Variants in NR1H3 observed in about 807,000 individuals in gnomAD.
The protein encoded by NR1H3 is nuclear receptor subfamily 1 group H member 3, also known as oxysterols receptor LXR-alpha.
In NR1H3, 19 loss-of-function variants were observed where a neutral mutation model predicts 48.1. The observed-to-expected ratio is 0.40, with a 90% CI of 0.28 to 0.58. The LOEUF (loss-of-function observed/expected upper bound fraction) is 0.58, where lower values mean the gene tolerates loss of function less well. Among genes scored for constraint, NR1H3 ranks in the 20% least tolerant of loss-of-function variants. NR1H3 has a pLI of 0.50. For missense variants in NR1H3, 486 were observed against 595.9 expected (o/e 0.82, Z 1.92); for synonymous variants, 232 against 227.3 (o/e 1.02, Z -0.19).
rs1408873095 is a variant in NR1H3 at position 47,262,107 on chromosome 11, C to T, written c.988+89C>T. 1.9e-5 allele frequency: 19 copies of T among 980,540 alleles called. No individual in the cohort carries two copies. In the East Asian group the frequency reaches 2.3e-4, roughly 12 times the overall value. The allele number at this position is 980,540 out of a possible 1,614,324, so 60.7% of individuals were successfully genotyped here. A position where few individuals can be genotyped will look rare whatever the true frequency, so the allele number is the denominator to read the frequency against. ...ATTTTTAAAAATTGAGGGCCAGGCG[C>T]GGTGGCTCATGCCTGTAATCCCAGC... On this transcript the variant is annotated intron_variant, in intron 7 of 9. Transcript: ENST00000441012.
At chr11:47,257,270 A>G (rs905906227), upstream of NR1H3, among the ~76,000 whole-genome samples, 5 of 152,162 alleles carry the variant, frequency 3.3e-5, no homozygotes, top group African/African-American at 1.2e-4. Flanking sequence ...GTTCCCCAGA[A>G]GAGGCAACCC....
chr11:47,260,566 G>C lies in NR1H3; in HGVS notation c.390G>C (p.Ala130=), dbSNP rs34806350. 585 of 1,614,180 alleles carry C rather than the reference G, an allele frequency of 3.6e-4. 4 individuals carry two copies. The highest frequency in any genetic ancestry group is 2.4e-3 in the Admixed American group (145 of 60,032). ...GFFRRSVIKG[A]HYICHSGGHC... is the part of the protein sequence containing the mutation. Reference sequence around the variant, plus strand: ...TCCGCCGCAGCGTCATCAAGGGAGCGCACTACATCTGCCACAGTGGCGGCC... The same window carrying C: ...TCCGCCGCAGCGTCATCAAGGGAGCCCACTACATCTGCCACAGTGGCGGCC... Residue 130 remains alanine, a synonymous_variant, in exon 4 of 10, where the codon GCG becomes GCC. Coordinates refer to ENST00000441012, the MANE Select transcript of NR1H3 (RefSeq NM_005693.4).
At chr11:47,255,841 G>A (rs1050090308), upstream of NR1H3, among the ~76,000 whole-genome samples, 1 of 150,488 alleles carries the variant, frequency 6.6e-6, no homozygotes, top group Non-Finnish European at 1.5e-5. Flanking sequence ...CTAATTTTTT[G>A]TATTTTTAGT....
At chr11:47,263,356 C>A (rs1048592512) in intron 7 of NR1H3, among the ~76,000 whole-genome samples, 1 of 151,822 alleles carries the variant, frequency 6.6e-6, no homozygotes, top group Non-Finnish European at 1.5e-5. Flanking sequence ...CCTCAACCAC[C>A]TGGGCTCCAG....
At position 47,261,232 on chromosome 11, in the gene NR1H3, T is replaced by C. The variant is rs773353715; in HGVS notation, c.500-9T>C. ...CTGCTCCCTTCCTCATATTTGGCCC[T>C]GTCCTTAGGTGTCCTGTCAGAAGAA... On this transcript the variant is annotated splice_polypyrimidine_tract_variant and intron_variant, in intron 4 of 9. Coordinates refer to ENST00000441012, the MANE Select transcript of NR1H3 (RefSeq NM_005693.4). 1.4e-6 allele frequency: 2 copies of C among 1,397,456 alleles called. No individual in the cohort carries two copies. Among genetic ancestry groups the C allele is most frequent in the Non-Finnish European group, 1.9e-6 (2 of 1,052,032 alleles). 86.6% of individuals were successfully genotyped at this position (1,397,456 alleles called of 1,614,324 possible).
intron 4 of NR1H3, 51 bp from the exon 5 acceptor site, chr11:47,261,190 C>A (rs778882527): frequency 1.7e-6 from 2 of 1,208,712 alleles, no homozygotes; most frequent in South Asian, 2.6e-5. Flanking sequence ...CACCCCCTTG[C>A]CCCATCCTTT....
intron 1 of NR1H3, chr11:47,258,956 A>T: frequency 1.5e-6 from 1 of 676,608 alleles, no homozygotes; most frequent in Non-Finnish European, 2.3e-6. Context: ...TGAGAGGATC[A>T]CTTGAGCCCA....
chr11:47,260,942 G>A (rs908673188), intron 4 of NR1H3, among the ~76,000 whole-genome samples: 10 of 152,018 alleles, frequency 6.6e-5, no homozygotes, highest in African/African-American at 2.2e-4. Flanking sequence ...AAAATTAGCC[G>A]GGTGTGGTGG....
intron 2 of NR1H3, chr11:47,259,517 C>T: frequency 6.6e-7 from 1 of 1,519,596 alleles, no homozygotes; most frequent in Non-Finnish European, 8.8e-7. Flanking sequence ...CCTGCTCTGG[C>T]TTTGAAGAGT....
At position 47,268,415 on chromosome 11, in the gene NR1H3, T is replaced by C. The variant is rs1957388195; in HGVS notation, c.1197+60T>C. The C allele has an allele frequency of 2.5e-6, 4 of 1,590,288 alleles. No homozygotes were observed. In the South Asian group the frequency reaches 4.4e-5, roughly 18 times the overall value. On this transcript the variant is annotated intron_variant, in intron 9 of 9. Coordinates refer to ENST00000441012, the MANE Select transcript of NR1H3 (RefSeq NM_005693.4). ...CCACACACAGGCCCATTCCCTGACATACCTACTTTCCCTTCAAGAATTTCT... is the reference window on the plus strand; with the variant it reads ...CCACACACAGGCCCATTCCCTGACACACCTACTTTCCCTTCAAGAATTTCT...
Position 47,261,914 on chromosome 11 carries a change from T to C in NR1H3, c.889-5T>C, listed in dbSNP as rs765148836. On this transcript the variant is annotated splice_polypyrimidine_tract_variant and splice_region_variant and intron_variant, in intron 6 of 9. Transcript: ENST00000441012. The stretch of plus-strand genomic sequence containing the variant: ...CCCCGTTTGAGGTTTGCTGCTTGTG[T>C]GCAGGTGATGCTTCTGGAGACATCT... 1.1e-5 allele frequency: 17 copies of C among 1,613,396 alleles called. No homozygotes were observed. Among genetic ancestry groups the C allele is most frequent in the African/African-American group, 1.3e-5 (1 of 74,882 alleles).
chr11:47,258,331 G>A, intron 1 of NR1H3: 2 of 365,728 alleles, frequency 5.5e-6, no homozygotes, highest in Non-Finnish European at 7.6e-6. Context: ...TGTGAATTGG[G>A]GAGATTCTTG....
chr11:47,259,449 C>T lies in NR1H3; in HGVS notation c.43+190C>T, dbSNP rs185252499. 3.2e-4 allele frequency: 495 copies of T among 1,552,478 alleles called. 6 individuals carry two copies. The South Asian group carries it at 5.3e-3, about 17-fold the overall frequency. On this transcript the variant is annotated intron_variant, in intron 2 of 9. Transcript: ENST00000441012. ...CCAGTGCCTGGCCCTTGCAGGCACC[C>T]GCCCAGTCCTCCCCAGTCTGGATTT...
At chr11:47,257,769 G>C (rs754059265), upstream of NR1H3, 1 of 974,942 alleles carries the variant, frequency 1.0e-6, no homozygotes, top group Non-Finnish European at 1.2e-6. Context: ...ATGGAACTTG[G>C]CTGGTCTGCA....
upstream of NR1H3, among the ~76,000 whole-genome samples, chr11:47,253,737 T>A (rs562600900): frequency 2.0e-5 from 3 of 152,284 alleles, no homozygotes; most frequent in East Asian, 5.8e-4. Context: ...CCTGTGGAGG[T>A]TCTGGGGGGC....
chr11:47,248,588 T>C, upstream of NR1H3: 1 of 1,552,420 alleles, frequency 6.4e-7, no homozygotes, highest in Non-Finnish European at 8.7e-7. Flanking sequence ...CTAAACCAGC[T>C]GTTCCTTCCC....
chr11:47,262,892 C>T (rs952541443), intron 7 of NR1H3, among the ~76,000 whole-genome samples: 2 of 152,136 alleles, frequency 1.3e-5, no homozygotes, highest in Admixed American at 6.5e-5. Context: ...AGGGAAGGCT[C>T]CCTTGTTTTT....
chr11:47,255,307 G>C (rs76002224), upstream of NR1H3, among the ~76,000 whole-genome samples: 314 of 152,368 alleles, frequency 2.1e-3, 12 homozygotes, highest in East Asian at 0.053. Flanking sequence ...AGTGTTCTCT[G>C]TCAAATGGAG....
rs192771967 is a variant in NR1H3 at position 47,260,158 on chromosome 11, C to T, written c.232+179C>T. Among the ~76,000 whole-genome samples the T allele has an allele frequency of 3.9e-5, 6 of 152,324 alleles. No individual in the cohort carries two copies. In the East Asian group the frequency reaches 1.2e-3, roughly 29 times the overall value. On this transcript the variant is annotated intron_variant, in intron 3 of 9. Transcript: ENST00000441012. ...TTTGTCTCTAGGCCTTTCTGAGCCT[C>T]ACTTTCCTTGTTTATAAAATGGAAA...
Sources: gnomAD v4.1 joint callset for allele counts (sites outside exome capture counted in the v4.1 genomes callset) on GRCh38, gnomAD v4.1.1 for gene constraint, MANE v1.5 for transcripts, NCBI Gene and HGNC (gene_info 2026-07-23, HGNC 2026-07-21) for gene names.